The following STK32C variants were observed in gnomAD, a reference collection of about 807,000 sequenced individuals.
The protein encoded by STK32C is serine/threonine kinase 32C.
Under a neutral mutation model 56.5 loss-of-function variants are expected in STK32C, and 31 were observed. The observed-to-expected ratio is 0.55, with a 90% CI of 0.41 to 0.74. The LOEUF (loss-of-function observed/expected upper bound fraction) is 0.74. Ranked by LOEUF, STK32C falls within the 30% of genes least tolerant of loss-of-function variation. The pLI, the probability that STK32C is intolerant of heterozygous loss-of-function variation, is 0.00. For synonymous variants in STK32C, 309 were observed against 289.4 expected, an observed-to-expected ratio of 1.07 and a Z score of -0.69; for missense variants, 544 against 676.9, an observed-to-expected ratio of 0.80 and a Z score of 2.18.
rs45527342 is a variant in STK32C, at chr10:132,224,527, G to C, written c.877-4C>G. On this transcript the variant is annotated splice_region_variant and splice_polypyrimidine_tract_variant and intron_variant, in intron 7 of 11. Transcript: ENST00000298630. ...TGGAGTGGATGTCATAGGGCCTCTG[G>C]AGACAGGGAGGCAGTGCTGGGCAGG... is the stretch of plus-strand genomic sequence containing the variant. 213,194 of 1,589,380 alleles carry C rather than the reference G, an allele frequency of 0.13. 16,157 individuals carry two copies. The highest frequency in any genetic ancestry group is 0.15 in the Non-Finnish European group (179,820 of 1,168,340).
In STK32C at chr10:132,296,106, G is replaced by C. The variant is rs187352436; in HGVS notation, c.262+11466C>G. Among the ~76,000 whole-genome samples, 3 of 148,208 alleles carry C rather than the reference G, an allele frequency of 2.0e-5. No individual in the cohort carries two copies. The Admixed American group carries it at 2.0e-4, about 10-fold the overall frequency. On this transcript the variant is annotated intron_variant, in intron 1 of 11. Coordinates refer to ENST00000298630, the MANE Select transcript of STK32C (RefSeq NM_173575.4). ...AGCGTGTAATCTCGTATGACATCAT[G>C]AGAATGGCATTTACCTCCGTGGTCT...
At chr10:132,331,004 C>T (rs1214527115) in intron 1 of STK32C, among the ~76,000 whole-genome samples, 4 of 150,900 alleles carry the variant, frequency 2.7e-5, no homozygotes, top group African/African-American at 9.7e-5. Context: ...AGATCGAGAC[C>T]AGCCTGGCCA....
intron 1 of STK32C, among the ~76,000 whole-genome samples, chr10:132,247,955 G>A (rs984097975): frequency 6.6e-6 from 1 of 152,132 alleles, no homozygotes; most frequent in Non-Finnish European, 1.5e-5. Context: ...CAGAGGACGG[G>A]CCGTGCTGCA....
intron 11 of STK32C, 98 bp downstream of exon 11, chr10:132,208,936 G>C: frequency 8.6e-7 from 1 of 1,168,142 alleles, no homozygotes; most frequent in Non-Finnish European, 1.2e-6. Flanking sequence ...ACGCACCCCA[G>C]GCCCACAGGT....
intron 1 of STK32C, among the ~76,000 whole-genome samples, chr10:132,297,443 C>G (rs1421813838): frequency 1.3e-5 from 2 of 152,242 alleles, no homozygotes; most frequent in Non-Finnish European, 1.5e-5. Flanking sequence ...ACGCCAGCCC[C>G]GGTACTAGCT....
At chr10:132,269,667 C>A (rs1466204188) in intron 1 of STK32C, among the ~76,000 whole-genome samples, 2 of 152,236 alleles carry the variant, frequency 1.3e-5, no homozygotes, top group Non-Finnish European at 2.9e-5. Context: ...CCCAGGCTGT[C>A]GCCCAACCAC....
At chr10:132,281,238 G>A (rs1285836760) in intron 1 of STK32C, among the ~76,000 whole-genome samples, 1 of 151,476 alleles carries the variant, frequency 6.6e-6, no homozygotes, top group Non-Finnish European at 1.5e-5. Flanking sequence ...GTGACCTTCA[G>A]GCCCCATCTT....
chr10:132,243,391 G>C (rs1425595812), intron 2 of STK32C, among the ~76,000 whole-genome samples: 1 of 152,172 alleles, frequency 6.6e-6, no homozygotes, highest in African/African-American at 2.4e-5. Context: ...GGCGAGGCGG[G>C]GGTGGAGAGT....
intron 2 of STK32C, among the ~76,000 whole-genome samples, chr10:132,244,415 G>A (rs565324517): frequency 1.3e-4 from 20 of 152,318 alleles, no homozygotes; most frequent in African/African-American, 2.4e-4. Flanking sequence ...GCCCACCTGT[G>A]CTCATGAGAA....
intron 1 of STK32C, among the ~76,000 whole-genome samples, chr10:132,328,853 A>G (rs1303141988): frequency 2.6e-5 from 4 of 152,252 alleles, no homozygotes; most frequent in African/African-American, 9.6e-5. Context: ...TGCTGGCTCC[A>G]GGACTGGATC....
At chr10:132,243,911 T>A (rs1590237991) in intron 2 of STK32C, among the ~76,000 whole-genome samples, 1 of 152,176 alleles carries the variant, frequency 6.6e-6, no homozygotes, top group South Asian at 2.1e-4. Context: ...TGGCAGGGCT[T>A]GGGCACAGCT....
At chr10:132,310,172 C>T (rs1012305751), upstream of STK32C, among the ~76,000 whole-genome samples, 6 of 152,328 alleles carry the variant, frequency 3.9e-5, no homozygotes, top group East Asian at 9.7e-4. The surrounding 1 kb of genome is among the most constrained non-coding windows in gnomAD (Gnocchi z 4.6). Context: ...GACATCTGCA[C>T]ACTTAACTAG....
At chr10:132,257,373 TA>T (rs1395371707) in intron 1 of STK32C, among the ~76,000 whole-genome samples, 2 of 134,434 alleles carry the variant, frequency 1.5e-5, no homozygotes, top group Non-Finnish European at 3.4e-5. Flanking sequence ...GAGGGGCTCC[TA>T]GGAAGAGGTG....
At position 132,237,648 on chromosome 10, in the gene STK32C, G is replaced by A. The variant is rs542062743; in HGVS notation, c.318+8252C>T. Among the ~76,000 whole-genome samples, 282 of 152,346 alleles carry A rather than the reference G, an allele frequency of 1.9e-3. 1 individual carries two copies. Among genetic ancestry groups the A allele is most frequent in the African/African-American group, 6.6e-3 (274 of 41,584 alleles). ...AGGCACAGAGGAACCTGAGTGTGCC[G>A]GCGGGGCTGGCCCCGGTGCAGCTCC... On this transcript the variant is annotated intron_variant, in intron 2 of 11. Transcript: ENST00000298630.
At chr10:132,303,925 G>A (rs1458163429) in intron 1 of STK32C, among the ~76,000 whole-genome samples, 2 of 152,130 alleles carry the variant, frequency 1.3e-5, no homozygotes, top group African/African-American at 2.4e-5. Flanking sequence ...CACTGCACTC[G>A]CTCCTGCCTC....
intron 2 of STK32C, among the ~76,000 whole-genome samples, chr10:132,243,816 G>A (rs925463771): frequency 2.0e-5 from 3 of 152,238 alleles, no homozygotes; most frequent in South Asian, 2.1e-4. Context: ...TAAATGCTGC[G>A]CCGCCCTGAA....
intron 1 of STK32C, among the ~76,000 whole-genome samples, chr10:132,260,730 C>T (rs1324652742): frequency 6.6e-6 from 1 of 152,328 alleles, no homozygotes; most frequent in South Asian, 2.1e-4. Flanking sequence ...CACCAGTGGC[C>T]GGGTGGGCAT....
chr10:132,215,076 G>T (rs931204228), intron 10 of STK32C, among the ~76,000 whole-genome samples: 52 of 152,146 alleles, frequency 3.4e-4, no homozygotes, highest in African/African-American at 1.3e-3. Context: ...TGGAGTGCAG[G>T]GGCATGATCA....
chr10:132,258,965 A>G (rs1040096704), intron 1 of STK32C, among the ~76,000 whole-genome samples: 2 of 152,254 alleles, frequency 1.3e-5, no homozygotes, highest in Admixed American at 6.5e-5. Flanking sequence ...AATGGTAGGA[A>G]AATATCATCT....
Sources: allele counts gnomAD v4.1 joint callset (sites outside exome capture counted in the v4.1 genomes callset), GRCh38; gene constraint gnomAD v4.1.1; non-coding constraint Gnocchi (gnomAD v3.1); transcripts MANE v1.5; gene names NCBI Gene and HGNC (gene_info 2026-07-23, HGNC 2026-07-21).